SHANK2: variants seen among roughly 807,000 people sequenced by gnomAD.
The protein encoded by SHANK2 is SH3 and multiple ankyrin repeat domains protein 2.
A neutral mutation model predicts 133.7 loss-of-function variants in SHANK2; 43 were observed. The ratio of observed to expected loss-of-function variants is 0.32; its 90% confidence interval spans 0.25 to 0.41. The LOEUF is 0.41. Ranked by LOEUF, SHANK2 falls within the 10% of genes least tolerant of loss-of-function variation. The pLI is 1.00. For synonymous variants in SHANK2, 1,017 were observed against 952.8 expected (o/e 1.07, Z -1.24); for missense variants, 1,994 against 2,235.8 (o/e 0.89, Z 2.18).
At chr11:71,093,481 C>G (rs992637675) in intron 7 of SHANK2, among the ~76,000 whole-genome samples, 1 of 152,016 alleles carries the variant, frequency 6.6e-6, no homozygotes, top group African/African-American at 2.4e-5. Flanking sequence ...GGGGCGGATT[C>G]TCAGGAATGG....
chr11:70,693,320 TTCTC>T (rs1555021514), intron 15 of SHANK2, among the ~76,000 whole-genome samples: 1 of 152,210 alleles, frequency 6.6e-6, no homozygotes, highest in African/African-American at 2.4e-5. Flanking sequence ...CACGAGGTCT[TTCTC>T]TGACATTACT....
At chr11:71,113,237 T>A (rs930004503) in intron 5 of SHANK2, 56 bp downstream of exon 5, 75 of 1,446,158 alleles carry the variant, frequency 5.2e-5, no homozygotes, top group Non-Finnish European at 6.8e-5. Flanking sequence ...CACAACAAGA[T>A]AACAAGGAGG....
intron 17 of SHANK2, among the ~76,000 whole-genome samples, chr11:70,582,565 C>T (rs1409497360): frequency 2.6e-5 from 4 of 152,326 alleles, no homozygotes; most frequent in South Asian, 4.1e-4. Context: ...CGGGAGGATA[C>T]GCAAACCTCT....
At chr11:71,147,708 C>A (rs1350402379) in intron 2 of SHANK2, among the ~76,000 whole-genome samples, 1 of 152,150 alleles carries the variant, frequency 6.6e-6, no homozygotes, top group Non-Finnish European at 1.5e-5. Context: ...TCTGAGCTAC[C>A]CAAGGTAAGA....
At chr11:70,815,408 G>A (rs1948371594) in intron 12 of SHANK2, among the ~76,000 whole-genome samples, 1 of 152,084 alleles carries the variant, frequency 6.6e-6, no homozygotes, top group Non-Finnish European at 1.5e-5. Flanking sequence ...GCTCACCTGG[G>A]AGGGGCTTGT....
intron 15 of SHANK2, among the ~76,000 whole-genome samples, chr11:70,695,596 G>A (rs575893934): frequency 6.6e-6 from 1 of 152,208 alleles, no homozygotes; most frequent in African/African-American, 2.4e-5. Context: ...CCGCGGGAGG[G>A]TGGGGCCTGA....
At chr11:70,851,411 G>A (rs942972765) in intron 11 of SHANK2, among the ~76,000 whole-genome samples, 9 of 152,188 alleles carry the variant, frequency 5.9e-5, no homozygotes, top group Non-Finnish European at 1.0e-4. Flanking sequence ...TGACCACTGG[G>A]ACATAAATAA....
At chr11:71,168,560 C>G (rs994033490) in intron 2 of SHANK2, among the ~76,000 whole-genome samples, 1 of 152,108 alleles carries the variant, frequency 6.6e-6, no homozygotes, top group Non-Finnish European at 1.5e-5. Flanking sequence ...AACGAGACTC[C>G]GTCTGCAATC....
At chr11:71,073,104 C>T (rs1365319799) in intron 9 of SHANK2, among the ~76,000 whole-genome samples, 2 of 146,830 alleles carry the variant, frequency 1.4e-5, no homozygotes, top group African/African-American at 5.0e-5. Context: ...CTGTCCCATG[C>T]AGTGGTGGAA....
rs183423476 is a variant in SHANK2, at chr11:70,914,201, G to A, written c.1108-17634C>T. Among the ~76,000 whole-genome samples the A allele has an allele frequency of 6.2e-4, 95 of 152,210 alleles. 1 individual carries two copies. Among genetic ancestry groups the A allele is most frequent in the African/African-American group, 2.1e-3 (89 of 41,538 alleles). Reference sequence around the variant, plus strand: ...CAGCTGCATTGGACAGCCTGTTTCCGGAAATCGGGCTCTGGGGCTCATACA... The same window carrying A: ...CAGCTGCATTGGACAGCCTGTTTCCAGAAATCGGGCTCTGGGGCTCATACA... On this transcript the variant is annotated intron_variant, in intron 10 of 25. Transcript: ENST00000601538.
intron 17 of SHANK2, among the ~76,000 whole-genome samples, chr11:70,532,943 G>A (rs1389830878): frequency 2.0e-5 from 3 of 152,306 alleles, no homozygotes; most frequent in South Asian, 2.1e-4. Flanking sequence ...ATGCTGACAC[G>A]TGTTCCAACA....
In SHANK2 at chr11:70,621,990, G is replaced by A. The variant is rs557620010; in HGVS notation, c.2061+37838C>T. Among the ~76,000 whole-genome samples, 5 of 152,186 alleles carry A rather than the reference G, an allele frequency of 3.3e-5. No homozygotes were observed. The East Asian group carries it at 5.8e-4, about 18-fold the overall frequency. ...TTTCTCTTCCCGGCTCTGTCCACACGGTGCCGGGAGGTTCTGGAGCTGAGC... is the reference window on the plus strand; with the variant it reads ...TTTCTCTTCCCGGCTCTGTCCACACAGTGCCGGGAGGTTCTGGAGCTGAGC... On this transcript the variant is annotated intron_variant, in intron 17 of 25. Transcript: ENST00000601538.
At chr11:70,717,818 A>C (rs1440581105) in intron 14 of SHANK2, among the ~76,000 whole-genome samples, 1 of 151,784 alleles carries the variant, frequency 6.6e-6, no homozygotes, top group Non-Finnish European at 1.5e-5. Context: ...CAACAGGAAA[A>C]AAAAAAAGTT....
intron 21 of SHANK2, among the ~76,000 whole-genome samples, chr11:70,494,241 G>T (rs2058937216): frequency 6.6e-6 from 1 of 152,182 alleles, no homozygotes; most frequent in East Asian, 1.9e-4. Context: ...GAGGGGCCTG[G>T]TTCCAGGCCT....
intron 17 of SHANK2, among the ~76,000 whole-genome samples, chr11:70,600,614 G>A (rs1262544555): frequency 2.0e-5 from 3 of 151,982 alleles, no homozygotes; most frequent in Non-Finnish European, 4.4e-5. Flanking sequence ...ATGGACCAAC[G>A]GACAGCCACA....
At position 71,154,303 on chromosome 11, in the gene SHANK2, A is replaced by G. The variant is rs374537652; in HGVS notation, c.-12-6965T>C. ...CTAGAACAGAATATTCAAGGAATCCAGGTTCCATCGGATGTTAGAAAATTG... is the reference window on the plus strand; with the variant it reads ...CTAGAACAGAATATTCAAGGAATCCGGGTTCCATCGGATGTTAGAAAATTG... On this transcript the variant is annotated intron_variant, in intron 2 of 25. Coordinates refer to ENST00000601538, the MANE Select transcript of SHANK2 (RefSeq NM_012309.5). 3.7e-4 allele frequency among the ~76,000 whole-genome samples: 57 copies of G among 152,338 alleles called. 1 individual carries two copies. In the East Asian group the frequency reaches 7.7e-3, roughly 21 times the overall value.
At chr11:70,537,821 G>A (rs1316737740) in intron 17 of SHANK2, among the ~76,000 whole-genome samples, 1 of 152,226 alleles carries the variant, frequency 6.6e-6, no homozygotes, top group Non-Finnish European at 1.5e-5. Flanking sequence ...CCGTGTGTGC[G>A]GGGCCAGGCC....
intron 14 of SHANK2, among the ~76,000 whole-genome samples, chr11:70,733,967 C>A (rs1028815241): frequency 6.6e-6 from 1 of 152,216 alleles, no homozygotes; most frequent in African/African-American, 2.4e-5. Context: ...GGAGACAAAG[C>A]GAAGCCATGG....
rs564241411 is a variant in SHANK2 at position 70,620,450 on chromosome 11, AAC to A, written c.2061+39376_2061+39377del. Among the ~76,000 whole-genome samples, 82 of 152,322 alleles carry A rather than the reference AAC, an allele frequency of 5.4e-4. No individual in the cohort carries two copies. The East Asian group carries it at 0.013, about 25-fold the overall frequency. ...AGGTAATCCCATCGTTATTACAAGA[AAC>A]ACACAGAGCTCCAATATCTGTGGAA... On this transcript the variant is annotated intron_variant, in intron 17 of 25. Coordinates refer to ENST00000601538, the MANE Select transcript of SHANK2 (RefSeq NM_012309.5).
Sources: allele counts gnomAD v4.1 joint callset (sites outside exome capture counted in the v4.1 genomes callset), GRCh38; gene constraint gnomAD v4.1.1; transcripts MANE v1.5; gene names NCBI Gene and HGNC (gene_info 2026-07-23, HGNC 2026-07-21).